The following SCLT1 variants were observed in gnomAD, a reference collection of about 807,000 sequenced individuals.
SCLT1 encodes sodium channel-associated protein 1.
SCLT1 carries 78 observed loss-of-function variants against 112.8 expected under a neutral mutation model. The observed-to-expected ratio is 0.69, with a 90% CI of 0.58 to 0.83. SCLT1 has a LOEUF of 0.83. Ranked by LOEUF, SCLT1 falls within the 40% of genes least tolerant of loss-of-function variation. SCLT1 has a pLI of 0.00. For synonymous variants in SCLT1, 257 were observed against 254.7 expected (o/e 1.01, Z -0.09); for missense variants, 747 against 770.4 (o/e 0.97, Z 0.36).
intron 11 of SCLT1, among the ~76,000 whole-genome samples, chr4:128,961,055 G>A (rs1739682594): frequency 6.6e-6 from 1 of 150,464 alleles, no homozygotes; most frequent in African/African-American, 2.5e-5. Flanking sequence ...TCTATTTAGG[G>A]AATCTTCGCC....
intron 16 of SCLT1, among the ~76,000 whole-genome samples, chr4:128,944,133 T>G (rs1351775001): frequency 6.6e-6 from 1 of 152,124 alleles, no homozygotes; most frequent in Non-Finnish European, 1.5e-5. Context: ...CCTTTCTAGA[T>G]CTTTGCTTCC....
chr4:129,030,160 C>T lies in SCLT1; in HGVS notation c.290+8881G>A, dbSNP rs542962346. On this transcript the variant is annotated intron_variant, in intron 5 of 20. Transcript: ENST00000281142. ...TTAGAACTCGGGATTAAGAAACTCA[C>T]TCAAAACTGCACAACTACATGGAAA... Among the ~76,000 whole-genome samples the T allele has an allele frequency of 5.3e-4, 80 of 152,236 alleles. 1 individual carries two copies. The highest frequency in any genetic ancestry group is 1.8e-3 in the African/African-American group (76 of 41,540).
chr4:129,053,059 G>C (rs572225345), intron 2 of SCLT1, among the ~76,000 whole-genome samples: 66 of 152,250 alleles, frequency 4.3e-4, no homozygotes, highest in African/African-American at 1.5e-3. Context: ...TCTTGATCCT[G>C]AGTTCTAATT....
chr4:128,956,889 T>C (rs1356193219), intron 13 of SCLT1, 137 bp downstream of exon 13: 1 of 531,774 alleles, frequency 1.9e-6, no homozygotes, highest in Non-Finnish European at 3.3e-6. Context: ...TTTAAACACT[T>C]AGGTTAATAA....
intron 5 of SCLT1, among the ~76,000 whole-genome samples, chr4:129,027,307 A>G (rs2126135741): frequency 6.6e-6 from 1 of 152,302 alleles, no homozygotes; most frequent in South Asian, 2.1e-4. Context: ...CCTCAATAAA[A>G]TACTGGCAAA....
At chr4:129,074,618 A>C (rs1751301636) in intron 2 of SCLT1, among the ~76,000 whole-genome samples, 1 of 152,210 alleles carries the variant, frequency 6.6e-6, no homozygotes. Flanking sequence ...AAATTTAAAA[A>C]AGCTATACTA....
intron 18 of SCLT1, among the ~76,000 whole-genome samples, chr4:128,915,342 A>G (rs1560835286): frequency 6.6e-6 from 1 of 152,204 alleles, no homozygotes; most frequent in Admixed American, 6.5e-5. Flanking sequence ...GTTTTGTGCA[A>G]TATTTCTCCT....
intron 5 of SCLT1, chr4:128,873,309 G>GA (rs1732349503): frequency 7.6e-6 from 1 of 130,756 alleles, no homozygotes; most frequent in Non-Finnish European, 1.7e-5. Flanking sequence ...GAAAAAAAGA[G>GA]AAAAAAGCGA....
intron 18 of SCLT1, among the ~76,000 whole-genome samples, chr4:128,898,955 C>A (rs573308655): frequency 1.3e-5 from 2 of 152,030 alleles, no homozygotes; most frequent in African/African-American, 4.8e-5. Flanking sequence ...ACACATACAC[C>A]CTCTGAAGAC....
intron 1 of SCLT1, among the ~76,000 whole-genome samples, chr4:129,090,380 A>T (rs556443036): frequency 5.3e-5 from 8 of 152,238 alleles, no homozygotes; most frequent in Non-Finnish European, 1.2e-4. Context: ...GAGAAAGGGT[A>T]GTTTTTCCAT....
chr4:128,943,269 C>T (rs1579450635), intron 16 of SCLT1, 81 bp from the exon 17 acceptor site: 1 of 989,676 alleles, frequency 1.0e-6, no homozygotes, highest in East Asian at 2.7e-5. Context: ...CATTTTATCA[C>T]ATGGACTTTT....
intron 18 of SCLT1, among the ~76,000 whole-genome samples, chr4:128,898,181 C>T (rs1170327926): frequency 6.6e-6 from 1 of 151,856 alleles, no homozygotes; most frequent in East Asian, 1.9e-4. Context: ...ACCTAATAGA[C>T]ATCTACACAA....
At chr4:129,026,165 T>C (rs1446584146) in intron 5 of SCLT1, among the ~76,000 whole-genome samples, 1 of 151,888 alleles carries the variant, frequency 6.6e-6, no homozygotes, top group Non-Finnish European at 1.5e-5. Flanking sequence ...AACAAGGATA[T>C]CCAGGAATTG....
chr4:128,903,216 C>T (rs1176322538), intron 18 of SCLT1, among the ~76,000 whole-genome samples: 1 of 152,152 alleles, frequency 6.6e-6, no homozygotes, highest in Non-Finnish European at 1.5e-5. Flanking sequence ...TTTTATAAGA[C>T]TGGCAGTGCA....
At position 129,032,653 on chromosome 4, in the gene SCLT1, C is replaced by A. The variant is rs59038568; in HGVS notation, c.290+6388G>T. 3.8e-3 allele frequency among the ~76,000 whole-genome samples: 574 copies of A among 151,378 alleles called. 1 individual carries two copies. The highest frequency in any genetic ancestry group is 0.011 in the African/African-American group (468 of 41,292). ...TAAACAAATTTACAAGAAAAAAAAA[C>A]CCCATCAAAAAGTGGGTGAAGGATA... On this transcript the variant is annotated intron_variant, in intron 5 of 20. Transcript: ENST00000281142.
At chr4:129,071,676 GT>G (rs1478949463) in intron 2 of SCLT1, among the ~76,000 whole-genome samples, 2 of 152,016 alleles carry the variant, frequency 1.3e-5, no homozygotes, top group Admixed American at 1.3e-4. Flanking sequence ...TTCACTTTAA[GT>G]TTATGTGAGT....
At chr4:129,040,733 C>T (rs1747623393) in intron 4 of SCLT1, among the ~76,000 whole-genome samples, 1 of 152,144 alleles carries the variant, frequency 6.6e-6, no homozygotes, top group South Asian at 2.1e-4. Flanking sequence ...AATTGCAGTG[C>T]TACTTTTCCT....
intron 2 of SCLT1, among the ~76,000 whole-genome samples, chr4:129,055,669 C>T (rs1380566590): frequency 6.6e-6 from 1 of 152,076 alleles, no homozygotes; most frequent in African/African-American, 2.4e-5. Context: ...TCTGTGTTGG[C>T]AGCAAGAATT....
intron 18 of SCLT1, among the ~76,000 whole-genome samples, chr4:128,895,873 G>T (rs1285242602): frequency 1.3e-5 from 2 of 152,200 alleles, no homozygotes; most frequent in Non-Finnish European, 2.9e-5. Context: ...TTAGCAAACG[G>T]CACACCAGGA....
Sources: allele counts gnomAD v4.1 joint callset (sites outside exome capture counted in the v4.1 genomes callset), GRCh38; gene constraint gnomAD v4.1.1; transcripts MANE v1.5; gene names NCBI Gene and HGNC (gene_info 2026-07-23, HGNC 2026-07-21).